ATP8B4: variants seen among roughly 807,000 people sequenced by gnomAD.
ATP8B4 encodes the protein ATPase phospholipid transporting 8B4 (putative).
ATP8B4 carries 133 observed loss-of-function variants against 145.6 expected under a neutral mutation model. The observed-to-expected ratio is 0.91, with a 90% CI of 0.79 to 1.05. The LOEUF (loss-of-function observed/expected upper bound fraction) is 1.05, where lower values mean the gene tolerates loss of function less well. ATP8B4 is among the 50% of genes least tolerant of loss of function. The probability of loss-of-function intolerance (pLI) is 0.00; values close to 1 mark genes in which losing one functional copy is unlikely to be tolerated. For synonymous variants in ATP8B4, 507 were observed against 492.9 expected, an observed-to-expected ratio of 1.03 and a Z score of -0.38; for missense variants, 1,458 against 1,425.2, an observed-to-expected ratio of 1.02 and a Z score of -0.37.
chr15:49,981,066 T>C, intron 11 of ATP8B4, 140 bp downstream of exon 11: 1 of 620,092 alleles, frequency 1.6e-6, no homozygotes, highest in Non-Finnish European at 2.8e-6. Context: ...TAGAAGGCAG[T>C]ATAACTGAGC....
chr15:49,917,496 A>C (rs1403832783), intron 19 of ATP8B4, among the ~76,000 whole-genome samples: 4 of 152,216 alleles, frequency 2.6e-5, no homozygotes, highest in Non-Finnish European at 5.9e-5. Context: ...TGAATGACAA[A>C]AAAAAATGCT....
Position 49,859,240 on chromosome 15 carries a change from T to C in ATP8B4, c.*954A>G, listed in dbSNP as rs1348333034. 2 of 152,216 alleles carry C rather than the reference T, an allele frequency of 1.3e-5. No individual in the cohort carries two copies. The highest frequency in any genetic ancestry group is 2.9e-5 in the Non-Finnish European group (2 of 68,030). 9.4% of individuals were successfully genotyped at this position (152,216 alleles called of 1,614,324 possible). The stretch of plus-strand genomic sequence containing the variant: ...AACAATCTAAACCTGAGTTTTTAAA[T>C]AGTAATTAAAACAATTATTTATTAA... On this transcript the variant is annotated 3_prime_UTR_variant, in exon 28 of 28. Coordinates refer to ENST00000284509, the MANE Select transcript of ATP8B4 (RefSeq NM_024837.4).
chr15:49,980,106 A>G (rs550218826), intron 11 of ATP8B4, among the ~76,000 whole-genome samples: 4 of 152,292 alleles, frequency 2.6e-5, no homozygotes, highest in East Asian at 1.9e-4. Flanking sequence ...TAACTTGTCT[A>G]TGTTCATAGA....
intron 10 of ATP8B4, chr15:49,982,543 A>G (rs2046249165): frequency 6.6e-6 from 1 of 152,116 alleles, no homozygotes; most frequent in Admixed American, 6.6e-5. Flanking sequence ...GAGACTGGGG[A>G]TATTTGGTGC....
chr15:49,920,339 C>T lies in ATP8B4; in HGVS notation c.1830G>A (p.Glu610=). 1.2e-6 allele frequency: 2 copies of T among 1,614,242 alleles called. No individual in the cohort carries two copies. The highest frequency in any genetic ancestry group is 1.1e-5 in the South Asian group (1 of 91,084). ...TCGCATCTTCAAGCATCTTATGCCA[C>T]TCTTTAAAGTACTTGTCATCCAGGT... ...YRDLDDKYFK[E]WHKMLEDANA... is the part of the protein sequence containing the mutation. Residue 610 remains glutamate (E), a synonymous_variant, in exon 18 of 28, where the codon GAG becomes GAA. Transcript: ENST00000284509.
intron 1 of ATP8B4, among the ~76,000 whole-genome samples, chr15:50,156,314 T>C (rs546814206): frequency 1.3e-5 from 2 of 151,760 alleles, no homozygotes; most frequent in African/African-American, 2.4e-5. Flanking sequence ...CTAACTTTTA[T>C]ACACATTTAT....
At chr15:49,943,998 A>G (rs1373221238) in intron 14 of ATP8B4, among the ~76,000 whole-genome samples, 1 of 152,188 alleles carries the variant, frequency 6.6e-6, no homozygotes, top group East Asian at 1.9e-4. Context: ...CTTGTTATCA[A>G]CTTAAACTAT....
chr15:50,177,376 T>C (rs941288393), intron 1 of ATP8B4, among the ~76,000 whole-genome samples: 17 of 152,176 alleles, frequency 1.1e-4, no homozygotes, highest in African/African-American at 3.6e-4. Flanking sequence ...ATTACTTCAT[T>C]CCAGGAAATT....
intron 7 of ATP8B4, chr15:50,009,716 T>C (rs2048583985): frequency 2.2e-6 from 1 of 454,244 alleles, no homozygotes; most frequent in South Asian, 1.6e-5. Context: ...AATTGTGGCT[T>C]AAATAAAAGT....
chr15:49,996,274 A>T (rs1339229637), intron 9 of ATP8B4, among the ~76,000 whole-genome samples: 1 of 152,104 alleles, frequency 6.6e-6, no homozygotes, highest in Non-Finnish European at 1.5e-5. Flanking sequence ...GTCTTCATGA[A>T]GTTTGAGGTC....
At chr15:50,128,062 CTCTTT>C (rs1197252716) in intron 1 of ATP8B4, among the ~76,000 whole-genome samples, 2 of 152,194 alleles carry the variant, frequency 1.3e-5, no homozygotes, top group African/African-American at 4.8e-5. Flanking sequence ...TTCAGAGCTT[CTCTTT>C]TGAGTAAGCC....
intron 6 of ATP8B4, among the ~76,000 whole-genome samples, chr15:50,025,254 A>T (rs193251419): frequency 1.3e-5 from 2 of 152,308 alleles, no homozygotes; most frequent in Non-Finnish European, 2.9e-5. Flanking sequence ...CCCATGCAGC[A>T]GGTATGAGAT....
chr15:50,129,652 T>A (rs564627932), intron 1 of ATP8B4, among the ~76,000 whole-genome samples: 49 of 152,214 alleles, frequency 3.2e-4, no homozygotes, highest in African/African-American at 1.2e-3. Context: ...AGACATGAAT[T>A]TTGGGCCACA....
intron 14 of ATP8B4, among the ~76,000 whole-genome samples, chr15:49,952,417 T>C (rs919564715): frequency 2.0e-5 from 3 of 152,202 alleles, no homozygotes; most frequent in African/African-American, 7.2e-5. Flanking sequence ...TTCTCTATTC[T>C]TGTCTGCTTG....
At chr15:49,958,693 T>C (rs1567079473) in intron 14 of ATP8B4, among the ~76,000 whole-genome samples, 1 of 151,954 alleles carries the variant, frequency 6.6e-6, no homozygotes, top group Non-Finnish European at 1.5e-5. Flanking sequence ...AAAAGACTTA[T>C]GAGAGCTTGC....
intron 14 of ATP8B4, among the ~76,000 whole-genome samples, chr15:49,940,328 A>G (rs2042065561): frequency 6.6e-6 from 1 of 152,204 alleles, no homozygotes; most frequent in Non-Finnish European, 1.5e-5. Context: ...TCTCATTTAT[A>G]AGTGGGAGCT....
intron 23 of ATP8B4, among the ~76,000 whole-genome samples, chr15:49,892,546 T>C (rs1262343477): frequency 6.6e-6 from 1 of 152,194 alleles, no homozygotes; most frequent in Non-Finnish European, 1.5e-5. Context: ...TCTTATTGTT[T>C]TCAAAACACT....
intron 5 of ATP8B4, among the ~76,000 whole-genome samples, chr15:50,041,769 T>A (rs919064916): frequency 6.6e-6 from 1 of 152,094 alleles, no homozygotes; most frequent in Non-Finnish European, 1.5e-5. Flanking sequence ...TGAAACCCCA[T>A]CTCTACTAAA....
At chr15:49,886,052 C>A (rs563813434) in intron 23 of ATP8B4, 1 of 152,290 alleles carries the variant, frequency 6.6e-6, no homozygotes, top group South Asian at 2.1e-4. Flanking sequence ...TGCCCCTATA[C>A]CTCACTGCTT....
Sources: gnomAD v4.1 joint callset for allele counts (sites outside exome capture counted in the v4.1 genomes callset) on GRCh38, gnomAD v4.1.1 for gene constraint, MANE v1.5 for transcripts, NCBI Gene and HGNC (gene_info 2026-07-23, HGNC 2026-07-21) for gene names.